The following CYRIB variants were observed in gnomAD, a reference collection of about 807,000 sequenced individuals.
The protein encoded by CYRIB is CYFIP related Rac1 interactor B.
In CYRIB, 8 loss-of-function variants were observed where a neutral mutation model predicts 44.2. That is an observed-to-expected ratio of 0.18 (90% CI 0.11 to 0.33). The LOEUF (loss-of-function observed/expected upper bound fraction) is 0.33, where lower values mean the gene tolerates loss of function less well. Ranked by LOEUF, CYRIB falls within the 10% of genes least tolerant of loss-of-function variation. The pLI is 1.00. For synonymous variants in CYRIB, 131 were observed against 127.2 expected (o/e 1.03, Z -0.20); for missense variants, 185 against 382.8 (o/e 0.48, Z 4.31).
intron 2 of CYRIB, among the ~76,000 whole-genome samples, chr8:129,886,353 T>C (rs2062750393): frequency 6.6e-6 from 1 of 152,204 alleles, no homozygotes; most frequent in South Asian, 2.1e-4. Flanking sequence ...TCTTCAAAAT[T>C]TGACATTCTG....
chr8:130,014,963 G>A (rs993876121), intron 1 of CYRIB, among the ~76,000 whole-genome samples: 23 of 152,226 alleles, frequency 1.5e-4, no homozygotes, highest in Admixed American at 1.4e-3. Context: ...GTTGGCCTCA[G>A]CCAGTCACCT....
At chr8:129,867,779 G>A (rs1451885965) in intron 4 of CYRIB, among the ~76,000 whole-genome samples, 2 of 151,978 alleles carry the variant, frequency 1.3e-5, no homozygotes, top group Admixed American at 6.6e-5. Context: ...TGAATAAGGC[G>A]GCCATACCAG....
chr8:129,927,610 A>G (rs1356926431), intron 1 of CYRIB, among the ~76,000 whole-genome samples: 1 of 152,242 alleles, frequency 6.6e-6, no homozygotes, highest in Non-Finnish European at 1.5e-5. Context: ...ACATATATAT[A>G]TGCATAAAGA....
intron 1 of CYRIB, among the ~76,000 whole-genome samples, chr8:129,913,771 G>A (rs2079283114): frequency 6.6e-6 from 1 of 151,990 alleles, no homozygotes; most frequent in Non-Finnish European, 1.5e-5. Context: ...ACCTAATTGG[G>A]TTATTATGAA....
chr8:129,893,165 G>A (rs1198915629), intron 2 of CYRIB, among the ~76,000 whole-genome samples: 1 of 152,166 alleles, frequency 6.6e-6, no homozygotes, highest in Admixed American at 6.5e-5. Context: ...ATGCTACAAC[G>A]CATGGATGAT....
chr8:130,016,784 C>T (rs2097357749), upstream of CYRIB: 1 of 151,248 alleles, frequency 6.6e-6, no homozygotes, highest in African/African-American at 2.4e-5. Flanking sequence ...TGGCCCGTGT[C>T]CTCCCGAGCC....
At chr8:129,978,658 GTTA>G (rs1564569877) in intron 1 of CYRIB, among the ~76,000 whole-genome samples, 1 of 152,134 alleles carries the variant, frequency 6.6e-6, no homozygotes, top group Non-Finnish European at 1.5e-5. Flanking sequence ...ATCAATGTGT[GTTA>G]TTATTATTAT....
At chr8:129,971,957 T>G (rs1218002620) in intron 1 of CYRIB, among the ~76,000 whole-genome samples, 1 of 152,234 alleles carries the variant, frequency 6.6e-6, no homozygotes, top group Non-Finnish European at 1.5e-5. Context: ...GTCTAGACAC[T>G]CTTATTATTG....
chr8:129,961,197 T>A (rs2095243106), intron 2 of CYRIB, among the ~76,000 whole-genome samples: 1 of 152,140 alleles, frequency 6.6e-6, no homozygotes, highest in Non-Finnish European at 1.5e-5. Context: ...GGAGGAGCCA[T>A]GTCAAAGAAC....
intron 2 of CYRIB, among the ~76,000 whole-genome samples, chr8:129,895,691 GTTAT>G (rs1011799859): frequency 1.3e-5 from 2 of 152,070 alleles, no homozygotes; most frequent in Admixed American, 6.6e-5. Context: ...TGCTTGGTTG[GTTAT>G]TTATTTATGT....
chr8:129,847,997 G>A (rs2041150423), intron 10 of CYRIB, among the ~76,000 whole-genome samples: 1 of 152,042 alleles, frequency 6.6e-6, no homozygotes, highest in Admixed American at 6.6e-5. Context: ...GTAGAGATGA[G>A]GTTTCACCAT....
At chr8:129,858,591 G>A (rs1587517252) in intron 5 of CYRIB, among the ~76,000 whole-genome samples, 1 of 152,198 alleles carries the variant, frequency 6.6e-6, no homozygotes, top group African/African-American at 2.4e-5. Flanking sequence ...AAGAGAACCT[G>A]AGGACATGGA....
upstream of CYRIB, among the ~76,000 whole-genome samples, chr8:129,942,320 C>T (rs897967591): frequency 2.0e-5 from 3 of 152,128 alleles, no homozygotes; most frequent in Admixed American, 1.3e-4. Context: ...GCCTGGATGA[C>T]GAGCGAAACA....
intron 1 of CYRIB, among the ~76,000 whole-genome samples, chr8:129,933,016 A>C (rs1200386539): frequency 6.6e-6 from 1 of 152,144 alleles, no homozygotes; most frequent in South Asian, 2.1e-4. Context: ...GGAGTATCAT[A>C]ACAATAAGGG....
In CYRIB at chr8:129,978,311, A is replaced by G. The variant is rs532842359; in HGVS notation, c.-295-7316T>C. On this transcript the variant is annotated intron_variant, in intron 1 of 14. Transcript: ENST00000401979. The stretch of plus-strand genomic sequence containing the variant: ...TCTCTTTCTTATGTTTTCATTTAAT[A>G]TTCGATCAGCCAAGCACTAAATGAC... 6.4e-4 allele frequency among the ~76,000 whole-genome samples: 98 copies of G among 152,336 alleles called. 2 individuals are homozygous for G. The highest frequency in any genetic ancestry group is 2.3e-3 in the African/African-American group (96 of 41,568).
In CYRIB at chr8:129,879,474, G is replaced by A. The variant is rs2060161298; in HGVS notation, c.-10-3C>T. The A allele has an allele frequency of 3.8e-6, 6 of 1,594,748 alleles. No homozygotes were observed. The highest frequency in any genetic ancestry group is 5.1e-6 in the Non-Finnish European group (6 of 1,172,488). On this transcript the variant is annotated splice_polypyrimidine_tract_variant and splice_region_variant and intron_variant, in intron 2 of 11. Coordinates refer to ENST00000519824, the Ensembl canonical transcript of CYRIB. ...GAAGATTCCCCATGTTAAGGTACCT[G>A]TCAAGACAAGAATGAGAAAAGAGAA... is the stretch of plus-strand genomic sequence containing the variant.
At chr8:129,841,548 C>A (rs779151839) in exon 12 of CYRIB, 5 of 152,640 alleles carry the variant, frequency 3.3e-5, no homozygotes, top group Non-Finnish European at 7.3e-5. Context: ...TAATATTCTA[C>A]GCACACATCA....
chr8:129,846,972 C>G, intron 10 of CYRIB, 98 bp from the exon 13 acceptor site: 1 of 660,500 alleles, frequency 1.5e-6, no homozygotes, highest in East Asian at 2.9e-5. Flanking sequence ...AACTATGGAA[C>G]TCAAGAGATT....
At chr8:129,881,255 T>C (rs563865186) in intron 2 of CYRIB, among the ~76,000 whole-genome samples, 2 of 152,134 alleles carry the variant, frequency 1.3e-5, no homozygotes, top group East Asian at 1.9e-4. Context: ...ACCTGGAAGG[T>C]AGAGTAACAA....
Sources: allele counts gnomAD v4.1 joint callset (sites outside exome capture counted in the v4.1 genomes callset), GRCh38; gene constraint gnomAD v4.1.1; transcripts MANE v1.5; gene names NCBI Gene and HGNC (gene_info 2026-07-23, HGNC 2026-07-21).